The following PHLPP1 variants were observed in gnomAD, a reference collection of about 807,000 sequenced individuals.
PHLPP1 encodes the protein PH domain and leucine rich repeat protein phosphatase 1.
PHLPP1 carries 42 observed loss-of-function variants against 117.2 expected under a neutral mutation model. The ratio of observed to expected loss-of-function variants is 0.36; its 90% CI spans 0.28 to 0.46. The LOEUF (loss-of-function observed/expected upper bound fraction) is 0.46, where lower values mean the gene tolerates loss of function less well. Ranked by LOEUF, PHLPP1 falls within the 20% of genes least tolerant of loss-of-function variation. PHLPP1 has a pLI of 1.00. For synonymous variants in PHLPP1, 1,042 were observed against 970.7 expected (o/e 1.07, Z -1.37); for missense variants, 2,084 against 2,241.9 (o/e 0.93, Z 1.42).
intron 1 of PHLPP1, among the ~76,000 whole-genome samples, chr18:62,812,461 G>T (rs1045038388): frequency 6.6e-6 from 1 of 152,158 alleles, no homozygotes; most frequent in Non-Finnish European, 1.5e-5. Flanking sequence ...AGGTAGCTAC[G>T]TATGTTTGTT....
chr18:62,825,331 G>A (rs1462215329), intron 1 of PHLPP1: 1 of 149,572 alleles, frequency 6.7e-6, no homozygotes, highest in Non-Finnish European at 1.5e-5. Flanking sequence ...ATGTAAAATT[G>A]TAAATACTTT....
intron 12 of PHLPP1, among the ~76,000 whole-genome samples, chr18:62,947,948 C>T (rs558857131): frequency 6.6e-6 from 1 of 152,144 alleles, no homozygotes; most frequent in Non-Finnish European, 1.5e-5. Flanking sequence ...ATCACTTGAA[C>T]CCGAAGGCAG....
intron 1 of PHLPP1, among the ~76,000 whole-genome samples, chr18:62,820,287 G>A (rs960921840): frequency 6.6e-6 from 1 of 152,202 alleles, no homozygotes; most frequent in East Asian, 1.9e-4. Context: ...TTGAAAAAAT[G>A]TGTAGACAAA....
At chr18:62,883,686 T>C (rs149176216) in intron 4 of PHLPP1, among the ~76,000 whole-genome samples, 716 of 152,274 alleles carry the variant, frequency 4.7e-3, no homozygotes, top group Non-Finnish European at 8.0e-3. Context: ...TTTAGAAGTA[T>C]AGATTCACAG....
intron 1 of PHLPP1, among the ~76,000 whole-genome samples, chr18:62,774,993 T>A (rs950415015): frequency 3.9e-5 from 6 of 152,340 alleles, no homozygotes; most frequent in Non-Finnish European, 8.8e-5. Flanking sequence ...TTCCTTTTAT[T>A]TCTAAAACTG....
At chr18:62,903,293 A>C (rs1916770531) in intron 7 of PHLPP1, 127 bp downstream of exon 7, 1 of 661,938 alleles carries the variant, frequency 1.5e-6, no homozygotes, top group Non-Finnish European at 2.5e-6. Context: ...TGCTAAAATA[A>C]AAGTCACAAA....
intron 1 of PHLPP1, among the ~76,000 whole-genome samples, chr18:62,721,346 C>T (rs1425918819): frequency 3.3e-5 from 5 of 151,790 alleles, no homozygotes; most frequent in African/African-American, 1.2e-4. Flanking sequence ...TTCAAGCATA[C>T]CTATTTGTTA....
chr18:62,858,566 CAGAACATAT>C (rs1163169999), intron 3 of PHLPP1, among the ~76,000 whole-genome samples: 1 of 152,098 alleles, frequency 6.6e-6, no homozygotes, highest in East Asian at 1.9e-4. Flanking sequence ...CCTGATCTAG[CAGAACATAT>C]CTTAGGCAGA....
intron 4 of PHLPP1, 138 bp downstream of exon 4, chr18:62,860,739 GT>G: frequency 1.5e-6 from 1 of 673,036 alleles, no homozygotes; most frequent in Non-Finnish European, 2.4e-6. Flanking sequence ...ATAGGACTTT[GT>G]TTATTAGTGA....
intron 3 of PHLPP1, among the ~76,000 whole-genome samples, chr18:62,855,006 T>C (rs1382871316): frequency 6.6e-6 from 1 of 152,180 alleles, no homozygotes; most frequent in Admixed American, 6.6e-5. Flanking sequence ...CTGATCCTGC[T>C]GCTTTTTAAA....
chr18:62,787,649 TATTA>T (rs1378814179), intron 1 of PHLPP1, among the ~76,000 whole-genome samples: 3 of 152,272 alleles, frequency 2.0e-5, no homozygotes, highest in African/African-American at 7.2e-5. Flanking sequence ...TTGGTATTTT[TATTA>T]ATTGATTCAC....
chr18:62,774,286 A>G (rs1182707884), intron 1 of PHLPP1, among the ~76,000 whole-genome samples: 2 of 152,108 alleles, frequency 1.3e-5, no homozygotes, highest in South Asian at 2.1e-4. Context: ...CTCCTCTGTG[A>G]TACTTCCAGA....
At chr18:62,927,753 A>G (rs769914140) in intron 10 of PHLPP1, among the ~76,000 whole-genome samples, 12 of 152,140 alleles carry the variant, frequency 7.9e-5, no homozygotes, top group African/African-American at 2.7e-4. Context: ...TAACATTTGT[A>G]TATGTGTCCT....
intron 11 of PHLPP1, among the ~76,000 whole-genome samples, chr18:62,943,098 G>A (rs1599133964): frequency 1.3e-5 from 2 of 152,128 alleles, no homozygotes; most frequent in South Asian, 4.1e-4. Flanking sequence ...ACCCTGCAGA[G>A]GAAAGGATCA....
At chr18:62,765,778 G>C (rs1481832730) in intron 1 of PHLPP1, among the ~76,000 whole-genome samples, 1 of 152,052 alleles carries the variant, frequency 6.6e-6, no homozygotes, top group African/African-American at 2.4e-5. Context: ...GGTGGATCAC[G>C]AGGTCAGGAG....
intron 1 of PHLPP1, among the ~76,000 whole-genome samples, chr18:62,796,401 T>C (rs1302355195): frequency 6.6e-6 from 1 of 152,208 alleles, no homozygotes; most frequent in Non-Finnish European, 1.5e-5. Flanking sequence ...AATCCATGTT[T>C]TGGAACTACT....
intron 1 of PHLPP1, among the ~76,000 whole-genome samples, chr18:62,729,855 T>A (rs1429517989): frequency 6.6e-6 from 1 of 152,228 alleles, no homozygotes; most frequent in African/African-American, 2.4e-5. Context: ...CAAGAAATTA[T>A]ATAGTATTTT....
At chr18:62,743,325 A>G (rs1911584444) in intron 1 of PHLPP1, among the ~76,000 whole-genome samples, 1 of 151,894 alleles carries the variant, frequency 6.6e-6, no homozygotes, top group African/African-American at 2.4e-5. Context: ...TTTATTACGG[A>G]AAATTTAAAC....
At position 62,715,707 on chromosome 18, in the gene PHLPP1, G is replaced by A. The variant is rs1297666659; in HGVS notation, c.24G>A (p.Thr8=). ...CAATGGAGCCCGCCGCCGCGGCCAC[G>A]GTACAGCGACTCCCCGAGCTCGGCA... The part of the protein sequence containing the change: MEPAAAA[T]VQRLPELGRE... The change falls in exon 1 of 17, where the codon ACG becomes ACA. Residue 8 remains threonine (T), a synonymous_variant. Transcript: ENST00000262719. The A allele has an allele frequency of 2.3e-6, 3 of 1,286,932 alleles. No homozygotes were observed. The highest frequency in any genetic ancestry group is 3.0e-6 in the Non-Finnish European group (3 of 1,014,552). The allele number at this position is 1,286,932 out of a possible 1,614,324, so 79.7% of individuals were successfully genotyped here.
Sources: gnomAD v4.1 joint callset for allele counts (sites outside exome capture counted in the v4.1 genomes callset) on GRCh38, gnomAD v4.1.1 for gene constraint, MANE v1.5 for transcripts, NCBI Gene and HGNC (gene_info 2026-07-23, HGNC 2026-07-21) for gene names.